RPL41: variants seen among roughly 807,000 people sequenced by gnomAD.
The protein encoded by RPL41 is small ribosomal subunit protein eS32.
Under a neutral mutation model 7.3 loss-of-function variants are expected in RPL41, and 3 were observed. The ratio of observed to expected loss-of-function variants is 0.41; its 90% CI spans 0.19 to 1.06. The LOEUF is 1.06. Ranked by LOEUF, RPL41 falls within the 50% of genes least tolerant of loss-of-function variation. The pLI, the probability that RPL41 is intolerant of heterozygous loss-of-function variation, is 0.32. For missense variants in RPL41, 13 were observed against 30.4 expected (o/e 0.43, Z 1.35); for synonymous variants, 9 against 7.4 (o/e 1.21, Z -0.34).
chr12:56,117,004 T>C (rs917992261), intron 1 of RPL41, 185 bp from the exon 2 acceptor site: 5 of 1,076,494 alleles, frequency 4.6e-6, no homozygotes, highest in Non-Finnish European at 6.8e-6. Context: ...GGAATTCTGA[T>C]CTTATGTTGG....
At chr12:56,117,308 A>G (rs1869644853) in intron 2 of RPL41, 97 bp downstream of exon 2, 1 of 1,502,286 alleles carries the variant, frequency 6.7e-7, no homozygotes, top group Non-Finnish European at 9.0e-7. Context: ...TCTTTAGGAG[A>G]AAAACGTTTG....
chr12:56,117,098 C>T, intron 1 of RPL41, 91 bp from the exon 2 acceptor site: 2 of 1,476,696 alleles, frequency 1.4e-6, no homozygotes, highest in Non-Finnish European at 1.8e-6. Context: ...CTAAAGAGTG[C>T]ATTTCATATC....
Position 56,117,509 on chromosome 12 carries a change from G to A in RPL41, c.63G>A (p.Arg21=). ...TGAAGCGCAAAAGAAGAAAGATGAG[G>A]CAGAGGTCCAAGTAAACCGCTAGCT... The part of the protein sequence containing the change: ...RRLKRKRRKM[R]QRSK The change falls in exon 3 of 3, where the codon AGG becomes AGA. Residue 21 remains arginine (R), a synonymous_variant. Coordinates refer to ENST00000546591, the MANE Select transcript of RPL41 (RefSeq NM_001035267.2). 1 of 1,552,870 alleles carries A rather than the reference G, an allele frequency of 6.4e-7. No homozygotes were observed. The highest frequency in any genetic ancestry group is 1.4e-5 in the African/African-American group (1 of 73,206).
chr12:56,117,357 G>C, intron 2 of RPL41, 125 bp from the exon 3 acceptor site: 1 of 1,395,664 alleles, frequency 7.2e-7, no homozygotes. Flanking sequence ...ACAGAACAGA[G>C]AACGATAGAA....
At chr12:56,117,009 T>G in intron 1 of RPL41, 180 bp from the exon 2 acceptor site, 4 of 1,079,764 alleles carry the variant, frequency 3.7e-6, no homozygotes, top group South Asian at 1.5e-5. Flanking sequence ...TCTGATCTTA[T>G]GTTGGGAGGG....
chr12:56,117,214 A>C lies in RPL41; in HGVS notation c.35+3A>C. ...TGGAGGAAGAAGCGAATGCGCAGGT[A>C]CGTTGAGACTTTGCCAGCCCAGGAG... On this transcript the variant is annotated splice_donor_region_variant and intron_variant, in intron 2 of 2. Coordinates refer to ENST00000546591, the MANE Select transcript of RPL41 (RefSeq NM_001035267.2). The C allele has an allele frequency of 6.3e-7, 1 of 1,598,498 alleles. No individual in the cohort carries two copies. The highest frequency in any genetic ancestry group is 2.2e-5 in the East Asian group (1 of 44,698).
At chr12:56,117,130 C>T (rs1869633403) in intron 1 of RPL41, 59 bp from the exon 2 acceptor site, 7 of 1,501,142 alleles carry the variant, frequency 4.7e-6, no homozygotes, top group Middle Eastern at 1.8e-4. Flanking sequence ...TACTAATAAG[C>T]TTCATCCCTT....
chr12:56,116,811 C>G lies in RPL41; in HGVS notation c.12+12C>G, dbSNP rs1869616213. The G allele has an allele frequency of 3.7e-6, 6 of 1,614,006 alleles. No individual in the cohort carries two copies. The highest frequency in any genetic ancestry group is 5.1e-6 in the Non-Finnish European group (6 of 1,179,890). ...CCATGAGAGCCAAGGTGAGCGGTTC[C>G]TGGTAGTAAGCTTGGGAGGTAGGAG... On this transcript the variant is annotated intron_variant, in intron 1 of 2. Transcript: ENST00000546591.
Position 56,116,636 on chromosome 12 carries a change from TCGG to T in RPL41, c.-150_-148del, listed in dbSNP as rs1198652177. On this transcript the variant is annotated 5_prime_UTR_variant, in exon 1 of 3. Transcript: ENST00000546591. ...CCGTAGACGGAACTTCGCCTTTCTC[TCGG>T]CCTTAGCGCCATTTTTTTGGGTGAG... 1.1e-6 allele frequency: 1 copy of T among 920,298 alleles called. No homozygotes were observed. The highest frequency in any genetic ancestry group is 1.6e-5 in the African/African-American group (1 of 60,982). The allele number at this position is 920,298 out of a possible 1,614,324, so 57.0% of individuals were successfully genotyped here.
chr12:56,116,671 T>C lies in RPL41; in HGVS notation c.-117T>C. ...CGCCATTTTTTTGGGTGAGTGTTTTTTGGTTCCTGCGTTGGGATTCCGTGT... is the reference window on the plus strand; with the variant it reads ...CGCCATTTTTTTGGGTGAGTGTTTTCTGGTTCCTGCGTTGGGATTCCGTGT... On this transcript the variant is annotated 5_prime_UTR_variant, in exon 1 of 3. Transcript: ENST00000546591. 2 of 1,300,892 alleles carry C rather than the reference T, an allele frequency of 1.5e-6. No individual in the cohort carries two copies. The highest frequency in any genetic ancestry group is 1.2e-5 in the South Asian group (1 of 84,344). 80.6% of individuals were successfully genotyped at this position (1,300,892 alleles called of 1,614,324 possible).
rs1032835690 is a variant in RPL41 at position 56,116,641 on chromosome 12, C to T, written c.-147C>T. On this transcript the variant is annotated 5_prime_UTR_variant, in exon 1 of 3. Coordinates refer to ENST00000546591, the MANE Select transcript of RPL41 (RefSeq NM_001035267.2). ...GACGGAACTTCGCCTTTCTCTCGGC[C>T]TTAGCGCCATTTTTTTGGGTGAGTG... The T allele has an allele frequency of 3.0e-6, 3 of 988,520 alleles. No individual in the cohort carries two copies. The highest frequency in any genetic ancestry group is 2.4e-5 in the East Asian group (1 of 41,704). 61.2% of individuals were successfully genotyped at this position (988,520 alleles called of 1,614,324 possible). A position where few individuals can be genotyped will look rare whatever the true frequency, so the allele number is the denominator to read the frequency against.
intron 1 of RPL41, 90 bp downstream of exon 1, chr12:56,116,889 A>G: frequency 3.9e-6 from 6 of 1,528,350 alleles, no homozygotes; most frequent in Non-Finnish European, 5.4e-6. Context: ...CTCCTGAACT[A>G]CTGGGTTTCA....
intron 1 of RPL41, 148 bp downstream of exon 1, chr12:56,116,947 C>G (rs1869623552): frequency 4.1e-6 from 5 of 1,209,646 alleles, no homozygotes; most frequent in Non-Finnish European, 6.1e-6. Flanking sequence ...TGTGAGAGAG[C>G]TAGCGGTTAA....
chr12:56,117,430 G>A (rs1869650570), intron 2 of RPL41, 52 bp from the exon 3 acceptor site: 8 of 1,542,740 alleles, frequency 5.2e-6, no homozygotes, highest in African/African-American at 2.7e-5. Context: ...AATGTGGGAG[G>A]GAAAGGCAAC....
intron 2 of RPL41, 81 bp from the exon 3 acceptor site, chr12:56,117,399 CTT>C: frequency 9.5e-6 from 14 of 1,468,150 alleles, no homozygotes; most frequent in Non-Finnish European, 1.3e-5. Context: ...CCACCTCATT[CTT>C]TATGTGGACG....
At chr12:56,117,316 TTGAG>T (rs759360871) in intron 2 of RPL41, 105 bp downstream of exon 2, 4 of 1,468,418 alleles carry the variant, frequency 2.7e-6, no homozygotes, top group Non-Finnish European at 3.7e-6. Flanking sequence ...AGAAAAACGT[TTGAG>T]TGTTTTCTCC....
intron 1 of RPL41, 103 bp downstream of exon 1, chr12:56,116,902 G>T: frequency 6.8e-7 from 1 of 1,466,112 alleles, no homozygotes; most frequent in South Asian, 1.1e-5. Context: ...GGGTTTCAAG[G>T]GTGCCCAAGA....
At position 56,116,732 on chromosome 12, in the gene RPL41, C is replaced by A; in HGVS notation, c.-56C>A. On this transcript the variant is annotated 5_prime_UTR_variant, in exon 1 of 3. Coordinates refer to ENST00000546591, the MANE Select transcript of RPL41 (RefSeq NM_001035267.2). ...GACATCTGACCTCGGCACTTAGCAT[C>A]ATCACAGCAAACTAACTGTAGCCTT... 6.2e-7 allele frequency: 1 copy of A among 1,607,308 alleles called. No individual in the cohort carries two copies. Among genetic ancestry groups the A allele is most frequent in the Non-Finnish European group, 8.5e-7 (1 of 1,173,792 alleles).
At chr12:56,116,951 CGGTTAAGTGCTATG>C (rs1325962781) in intron 1 of RPL41, 152 bp downstream of exon 1, 1 of 1,164,966 alleles carries the variant, frequency 8.6e-7, no homozygotes, top group Non-Finnish European at 1.3e-6. Context: ...AGAGAGCTAG[CGGTTAAGTGCTATG>C]GGTAGAGAGG....
Sources: allele counts gnomAD v4.1 joint callset, GRCh38; gene constraint gnomAD v4.1.1; transcripts MANE v1.5; gene names NCBI Gene and HGNC (gene_info 2026-07-23, HGNC 2026-07-21).